The following CAP2 variants were observed in gnomAD, a reference collection of about 807,000 sequenced individuals.
CAP2 encodes the protein cyclase associated actin cytoskeleton regulatory protein 2, also known as adenylyl cyclase-associated protein 2.
In CAP2, 24 loss-of-function variants were observed where a neutral mutation model predicts 57.7. That is an observed-to-expected ratio of 0.42 (90% confidence interval 0.30 to 0.58). The LOEUF (loss-of-function observed/expected upper bound fraction) is 0.58, where lower values mean the gene tolerates loss of function less well. Ranked by LOEUF, CAP2 falls within the 20% of genes least tolerant of loss-of-function variation. The pLI is 0.22. For synonymous variants in CAP2, 194 were observed against 207.2 expected (o/e 0.94, Z 0.55); for missense variants, 501 against 590.3 (o/e 0.85, Z 1.57).
At chr6:17,538,719 T>A (rs1762830447) in intron 7 of CAP2, among the ~76,000 whole-genome samples, 1 of 152,184 alleles carries the variant, frequency 6.6e-6, no homozygotes, top group Non-Finnish European at 1.5e-5. Context: ...CATATGCTCC[T>A]TGTTTGGGGG....
At chr6:17,474,068 A>G (rs1375040404) in intron 4 of CAP2, among the ~76,000 whole-genome samples, 1 of 152,280 alleles carries the variant, frequency 6.6e-6, no homozygotes, top group East Asian at 1.9e-4. Flanking sequence ...TGCCAGAATA[A>G]TAAAGACCAA....
chr6:17,491,131 T>C (rs1229963706), intron 4 of CAP2, among the ~76,000 whole-genome samples: 1 of 152,130 alleles, frequency 6.6e-6, no homozygotes, highest in Non-Finnish European at 1.5e-5. Flanking sequence ...CTAGCACCCT[T>C]GCATTGAACT....
intron 3 of CAP2, among the ~76,000 whole-genome samples, chr6:17,432,760 C>T (rs1191665151): frequency 1.3e-5 from 2 of 151,200 alleles, no homozygotes; most frequent in Non-Finnish European, 2.9e-5. Flanking sequence ...CTTCTTTCTT[C>T]CCTTCCTTTC....
intron 7 of CAP2, chr6:17,530,756 A>G (rs1433538026): frequency 4.0e-6 from 2 of 506,218 alleles, no homozygotes; most frequent in South Asian, 2.3e-5. Context: ...TCTGTGAGCA[A>G]CATAATCCAC....
chr6:17,520,874 C>T (rs1762374618), intron 7 of CAP2, among the ~76,000 whole-genome samples: 1 of 152,148 alleles, frequency 6.6e-6, no homozygotes, highest in Non-Finnish European at 1.5e-5. Context: ...TGTACCAAAC[C>T]CACACCTTAG....
chr6:17,551,075 A>C (rs183557059), intron 11 of CAP2, among the ~76,000 whole-genome samples: 85 of 152,372 alleles, frequency 5.6e-4, no homozygotes, highest in Non-Finnish European at 2.5e-4. Flanking sequence ...ATTTGTCAAA[A>C]GTAAAATTTC....
intron 3 of CAP2, among the ~76,000 whole-genome samples, chr6:17,428,788 T>TA (rs921183430): frequency 6.6e-6 from 1 of 151,546 alleles, no homozygotes; most frequent in Non-Finnish European, 1.5e-5. Context: ...AAAAAAAAGT[T>TA]AAAAAAAGTA....
At chr6:17,546,126 C>G (rs1215830579) in intron 11 of CAP2, among the ~76,000 whole-genome samples, 3 of 152,176 alleles carry the variant, frequency 2.0e-5, no homozygotes, top group African/African-American at 7.2e-5. Flanking sequence ...ACGCTGTCTT[C>G]CACAATGGTT....
chr6:17,446,424 T>C (rs1449796841), intron 3 of CAP2, among the ~76,000 whole-genome samples: 9 of 152,218 alleles, frequency 5.9e-5, no homozygotes, highest in Non-Finnish European at 1.2e-4. Context: ...GCTGCTTTGG[T>C]GCTTAGCAAC....
chr6:17,486,092 C>A (rs774754867), intron 4 of CAP2, among the ~76,000 whole-genome samples: 1 of 152,168 alleles, frequency 6.6e-6, no homozygotes. Context: ...CACCTGTAGT[C>A]CCAGCTATCT....
rs76932770 is a variant in CAP2 at position 17,406,942 on chromosome 6, A to C, written c.-2+13196A>C. ...GATTTAAGGTCGACCCTGAAGAAAAAAATGAGAAAAAAACCAGCATTTTAC... is the reference window on the plus strand; with the variant it reads ...GATTTAAGGTCGACCCTGAAGAAAACAATGAGAAAAAAACCAGCATTTTAC... On this transcript the variant is annotated intron_variant, in intron 1 of 12. Coordinates refer to ENST00000229922, the MANE Select transcript of CAP2 (RefSeq NM_006366.3). Among the ~76,000 whole-genome samples, 840 of 152,240 alleles carry C rather than the reference A, an allele frequency of 5.5e-3. 9 individuals are homozygous for C. The highest frequency in any genetic ancestry group is 0.019 in the African/African-American group (797 of 41,532).
intron 3 of CAP2, among the ~76,000 whole-genome samples, chr6:17,439,132 A>G (rs952152206): frequency 6.6e-6 from 1 of 150,614 alleles, no homozygotes; most frequent in African/African-American, 2.5e-5. Flanking sequence ...GAGAGAGAGA[A>G]AAAAGAGAGA....
intron 11 of CAP2, among the ~76,000 whole-genome samples, chr6:17,549,413 A>G (rs1020285640): frequency 6.6e-6 from 1 of 152,184 alleles, no homozygotes; most frequent in Non-Finnish European, 1.5e-5. Context: ...TGGTGAGCCA[A>G]GAATCGTGCC....
At chr6:17,427,822 G>A (rs774110308) in intron 3 of CAP2, among the ~76,000 whole-genome samples, 3 of 152,178 alleles carry the variant, frequency 2.0e-5, no homozygotes, top group South Asian at 2.1e-4. Context: ...TGAAAAGGAA[G>A]GAAATGCTGT....
chr6:17,519,975 GA>G (rs1157141918), intron 7 of CAP2, among the ~76,000 whole-genome samples: 1 of 152,090 alleles, frequency 6.6e-6, no homozygotes, highest in African/African-American at 2.4e-5. Flanking sequence ...CTATATTTCT[GA>G]ATTACTTTAG....
chr6:17,543,258 A>G (rs555465028), intron 11 of CAP2, 115 bp downstream of exon 11: 7 of 823,556 alleles, frequency 8.5e-6, no homozygotes, highest in South Asian at 1.5e-5. Context: ...CCACGCTGTA[A>G]TAAGCAGCCT....
chr6:17,523,769 G>A (rs1762440403), intron 7 of CAP2, among the ~76,000 whole-genome samples: 1 of 152,156 alleles, frequency 6.6e-6, no homozygotes, highest in Non-Finnish European at 1.5e-5. Flanking sequence ...AGTTTCTGGA[G>A]GACTGGAGGC....
Position 17,440,117 on chromosome 6 carries a change from CAT to C in CAP2, c.222+13428_222+13429del, listed in dbSNP as rs375839821. 7.4e-4 allele frequency among the ~76,000 whole-genome samples: 112 copies of C among 151,746 alleles called. 7 individuals carry two copies. Among genetic ancestry groups the C allele is most frequent in the African/African-American group, 2.5e-3 (104 of 41,044 alleles). On this transcript the variant is annotated intron_variant, in intron 3 of 12. Coordinates refer to ENST00000229922, the MANE Select transcript of CAP2 (RefSeq NM_006366.3). ...TTATAAGTTAGTATTAAAATGTTCA[CAT>C]GTGTGTGATGTTGAGTCTTCCTCTC...
intron 9 of CAP2, 85 bp downstream of exon 9, chr6:17,541,233 ATTTC>A (rs1762892812): frequency 9.0e-7 from 1 of 1,106,108 alleles, no homozygotes; most frequent in Non-Finnish European, 1.3e-6. Flanking sequence ...GATCTGAAGG[ATTTC>A]TTTTTTTTAA....
Sources: gnomAD v4.1 joint callset for allele counts (sites outside exome capture counted in the v4.1 genomes callset) on GRCh38, gnomAD v4.1.1 for gene constraint, MANE v1.5 for transcripts, NCBI Gene and HGNC (gene_info 2026-07-23, HGNC 2026-07-21) for gene names.